The following CRB1 variants were observed in gnomAD, a reference collection of about 807,000 sequenced individuals.
The protein encoded by CRB1 is crumbs cell polarity complex component 1.
In CRB1, 83 loss-of-function variants were observed where a neutral mutation model predicts 120.0. The ratio of observed to expected loss-of-function variants is 0.69; its 90% CI spans 0.58 to 0.83. The LOEUF (loss-of-function observed/expected upper bound fraction) is 0.83. Among genes scored for constraint, CRB1 ranks in the 40% least tolerant of loss-of-function variants. The pLI is 0.00. For missense variants in CRB1, 1,699 were observed against 1,687.6 expected (o/e 1.01, Z -0.12); for synonymous variants, 625 against 612.5 (o/e 1.02, Z -0.30).
the CRB1 span, among the ~76,000 whole-genome samples, chr1:197,258,233 G>T: frequency 6.6e-6 from 1 of 152,000 alleles, no homozygotes; most frequent in Admixed American, 6.6e-5. Flanking sequence ...CAGGAAGCTT[G>T]CTCCATCAAA....
chr1:197,229,777 T>C, the CRB1 span, among the ~76,000 whole-genome samples: 1 of 152,186 alleles, frequency 6.6e-6, no homozygotes, highest in African/African-American at 2.4e-5. Context: ...ACTTGCCCTC[T>C]GCCTCTCATT....
At chr1:197,409,489 T>G (rs941466116) in intron 5 of CRB1, among the ~76,000 whole-genome samples, 2 of 152,238 alleles carry the variant, frequency 1.3e-5, no homozygotes, top group African/African-American at 4.8e-5. Context: ...TGTCCTATGC[T>G]CTATAGATTT....
the CRB1 span, among the ~76,000 whole-genome samples, chr1:197,250,254 A>G: frequency 3.9e-5 from 6 of 151,964 alleles, no homozygotes; most frequent in Non-Finnish European, 8.8e-5. Flanking sequence ...AAATCTTTTC[A>G]AAACCCTTTA....
chr1:197,211,902 C>A, the CRB1 span, among the ~76,000 whole-genome samples: 3 of 151,626 alleles, frequency 2.0e-5, no homozygotes, highest in Non-Finnish European at 4.4e-5. Flanking sequence ...AAAGAACTTA[C>A]ATCTAGAATA....
At chr1:197,407,711 A>G (rs931041192) in intron 5 of CRB1, among the ~76,000 whole-genome samples, 1 of 152,132 alleles carries the variant, frequency 6.6e-6, no homozygotes, top group African/African-American at 2.4e-5. Context: ...TTTTAATCAC[A>G]CCCACTCCCA....
chr1:197,436,212 T>A (rs1208140082), intron 9 of CRB1, among the ~76,000 whole-genome samples: 3 of 152,130 alleles, frequency 2.0e-5, no homozygotes, highest in Non-Finnish European at 4.4e-5. Context: ...GTATGTCATA[T>A]TCTGTCTTCT....
Position 197,434,973 on chromosome 1 carries a change from T to C in CRB1, c.3110T>C (p.Val1037Ala), listed in dbSNP as rs776256497. Residue 1037 changes from valine to alanine, a missense_variant, in exon 9 of 12, where the codon GTG becomes GCG. By Grantham distance (64) the Val-to-Ala change is moderately conservative (BLOSUM62 0). Coordinates refer to ENST00000367400, the MANE Select transcript of CRB1 (RefSeq NM_201253.3). ...GTGAATGATGGCACATGGCACGAAG[T>C]GACCCTTTCCATGACAGACCCACTG... is the stretch of plus-strand genomic sequence containing the variant. ...QSVNDGTWHEVTLSMTDPLSQ... is the reference protein window; with the variant it reads ...QSVNDGTWHEATLSMTDPLSQ... 10 of 1,613,974 alleles carry C rather than the reference T, an allele frequency of 6.2e-6. No homozygotes were observed. Among genetic ancestry groups the C allele is most frequent in the Non-Finnish European group, 8.5e-6 (10 of 1,179,884 alleles).
chr1:197,408,181 T>C (rs1220975098), intron 5 of CRB1, among the ~76,000 whole-genome samples: 3 of 152,120 alleles, frequency 2.0e-5, no homozygotes. Flanking sequence ...GCTCAGATGT[T>C]CAAGGACAAA....
intron 3 of CRB1, 55 bp from the exon 4 acceptor site, chr1:197,347,285 A>G: frequency 6.7e-7 from 1 of 1,492,496 alleles, no homozygotes; most frequent in Non-Finnish European, 9.3e-7. Flanking sequence ...CAGTATAAAG[A>G]TATCTGATCT....
At chr1:197,441,979 T>G (rs1227884781) in intron 10 of CRB1, 187 bp from the exon 11 acceptor site, 1 of 678,150 alleles carries the variant, frequency 1.5e-6, no homozygotes, top group Non-Finnish European at 2.6e-6. Flanking sequence ...TTATTTCCAT[T>G]AAACCCCAAA....
chr1:197,446,746 G>A (rs1220606021), intron 11 of CRB1, among the ~76,000 whole-genome samples: 1 of 152,162 alleles, frequency 6.6e-6, no homozygotes, highest in Non-Finnish European at 1.5e-5. Flanking sequence ...GATTTTAAAA[G>A]TTTGAAGCAT....
chr1:197,218,932 T>C, the CRB1 span, among the ~76,000 whole-genome samples: 7 of 152,080 alleles, frequency 4.6e-5, no homozygotes, highest in African/African-American at 1.4e-4. Flanking sequence ...GGAAAACAGA[T>C]TTATCATAGC....
intron 1 of CRB1, among the ~76,000 whole-genome samples, chr1:197,285,008 C>A (rs2125226560): frequency 6.6e-6 from 1 of 151,942 alleles, no homozygotes; most frequent in South Asian, 2.1e-4. Context: ...TTTAAATATT[C>A]ATTACAGGAA....
At chr1:197,347,553 A>G in intron 4 of CRB1, 74 bp downstream of exon 4, 1 of 1,444,612 alleles carries the variant, frequency 6.9e-7, no homozygotes, top group East Asian at 2.3e-5. Flanking sequence ...AGCAAATGAA[A>G]TGAAAAATTA....
chr1:197,460,192 T>C (rs1450541413), intron 11 of CRB1, among the ~76,000 whole-genome samples: 1 of 151,972 alleles, frequency 6.6e-6, no homozygotes, highest in Non-Finnish European at 1.5e-5. Flanking sequence ...GCAAATTCCC[T>C]GGATCAGCAT....
chr1:197,393,678 T>C (rs2125418960), intron 5 of CRB1, among the ~76,000 whole-genome samples: 1 of 152,252 alleles, frequency 6.6e-6, no homozygotes, highest in East Asian at 1.9e-4. Context: ...ACTAATACTA[T>C]AGACCATGCT....
chr1:197,370,169 C>A (rs1032704073), intron 5 of CRB1, among the ~76,000 whole-genome samples: 1 of 152,018 alleles, frequency 6.6e-6, no homozygotes, highest in Non-Finnish European at 1.5e-5. Flanking sequence ...TGAAACAGAA[C>A]TTCAAAATAC....
At chr1:197,387,546 T>C (rs981430868) in intron 5 of CRB1, among the ~76,000 whole-genome samples, 5 of 152,064 alleles carry the variant, frequency 3.3e-5, no homozygotes, top group African/African-American at 1.2e-4. Flanking sequence ...TATATTTGAT[T>C]TTGGCACCTG....
intron 11 of CRB1, among the ~76,000 whole-genome samples, chr1:197,466,483 C>T (rs1666754962): frequency 6.6e-6 from 1 of 152,068 alleles, no homozygotes; most frequent in Non-Finnish European, 1.5e-5. Context: ...ATAAATTGGC[C>T]ATAAATCCTC....
Sources: gnomAD v4.1 joint callset for allele counts (sites outside exome capture counted in the v4.1 genomes callset) on GRCh38, gnomAD v4.1.1 for gene constraint, MANE v1.5 for transcripts, NCBI Gene and HGNC (gene_info 2026-07-23, HGNC 2026-07-21) for gene names.